NAV1: variants seen among roughly 807,000 people sequenced by gnomAD.
NAV1 encodes the protein pore membrane and/or filament interacting like protein 3.
NAV1 carries 18 observed loss-of-function variants against 175.2 expected under a neutral mutation model. The observed-to-expected ratio is 0.10, with a 90% confidence interval of 0.07 to 0.15. The LOEUF is 0.15. Among genes scored for constraint, NAV1 ranks in the 10% least tolerant of loss-of-function variants. The pLI, the probability that NAV1 is intolerant of heterozygous loss-of-function variation, is 1.00. For missense variants in NAV1, 1,731 were observed against 2,436.6 expected (o/e 0.71, Z 6.10); for synonymous variants, 897 against 978.7 (o/e 0.92, Z 1.56).
Position 201,648,450 on chromosome 1 carries a change from C to G in NAV1, c.-219C>G. The G allele has an allele frequency of 4.3e-6, 5 of 1,162,514 alleles. No homozygotes were observed. The South Asian group carries it at 1.7e-4, about 40-fold the overall frequency. 72.0% of individuals were successfully genotyped at this position (1,162,514 alleles called of 1,614,324 possible). ...CCGGCTTCCCTGCTCTTTCCTTTTT[C>G]CCGGCTTCCTTCCTCGCGTTTCTTT... On this transcript the variant is annotated 5_prime_UTR_variant, in exon 1 of 30. Coordinates refer to ENST00000367296, the Ensembl canonical transcript of NAV1.
chr1:201,650,629 T>G (rs989071219), intron 1 of NAV1, among the ~76,000 whole-genome samples: 5 of 152,094 alleles, frequency 3.3e-5, no homozygotes, highest in Non-Finnish European at 7.4e-5. Flanking sequence ...CGGGCGGCCC[T>G]GGAGAATGCG....
intron 1 of NAV1, among the ~76,000 whole-genome samples, chr1:201,701,420 A>T (rs1671419194): frequency 1.5e-5 from 1 of 66,320 alleles, no homozygotes; most frequent in Admixed American, 2.3e-4. Context: ...AATAAAAAAA[A>T]TAAAAAAAGA....
At chr1:201,605,129 CTTT>C (rs572596717) in intron 2 of NAV1, among the ~76,000 whole-genome samples, 1 of 139,836 alleles carries the variant, frequency 7.2e-6, no homozygotes, top group Non-Finnish European at 1.6e-5. Flanking sequence ...CTGGCTTCTG[CTTT>C]TTTTTTTTTT....
At chr1:201,654,354 C>G (rs989545443) in intron 1 of NAV1, among the ~76,000 whole-genome samples, 3 of 152,050 alleles carry the variant, frequency 2.0e-5, no homozygotes, top group African/African-American at 7.3e-5. Flanking sequence ...CCCACTTTCT[C>G]TGCCCAATTT....
In NAV1 at chr1:201,763,956, C is replaced by T. The variant is rs140926897; in HGVS notation, c.1227-16465C>T. Among the ~76,000 whole-genome samples, 309 of 152,296 alleles carry T rather than the reference C, an allele frequency of 2.0e-3. 4 individuals carry two copies. The highest frequency in any genetic ancestry group is 7.1e-3 in the African/African-American group (296 of 41,556). On this transcript the variant is annotated intron_variant, in intron 3 of 29. Transcript: ENST00000367296. Reference sequence around the variant, plus strand: ...TCATCACAGAAAGATGGAATTTCTCCGGGATTATTTCGCTGCCAAGTCCAA... The same window carrying T: ...TCATCACAGAAAGATGGAATTTCTCTGGGATTATTTCGCTGCCAAGTCCAA...
Position 201,782,912 on chromosome 1 carries a change from C to A in NAV1, c.2357+43C>A. The stretch of plus-strand genomic sequence containing the variant: ...CCGCCTCCTTGTCTGTTTGCTTTGT[C>A]ATTCTTTCGCATATCTCTGCCCTCC... On this transcript the variant is annotated intron_variant, in intron 6 of 29. Transcript: ENST00000367296. The surrounding 1 kb of genome is among the most constrained non-coding windows in gnomAD (Gnocchi z 5.4). 4 of 1,486,168 alleles carry A rather than the reference C, an allele frequency of 2.7e-6. No homozygotes were observed. The highest frequency in any genetic ancestry group is 3.6e-6 in the Non-Finnish European group (4 of 1,100,846). The allele number at this position is 1,486,168 out of a possible 1,614,324, so 92.1% of individuals were successfully genotyped here. A position where few individuals can be genotyped will look rare whatever the true frequency, so the allele number is the denominator to read the frequency against.
At chr1:201,578,353 G>A (rs1666752134) in intron 1 of NAV1, among the ~76,000 whole-genome samples, 1 of 152,136 alleles carries the variant, frequency 6.6e-6, no homozygotes, top group Admixed American at 6.5e-5. Context: ...TATAGCTTCT[G>A]TTCTTTGTTC....
chr1:201,771,518 A>C (rs933258283), intron 3 of NAV1, among the ~76,000 whole-genome samples: 9 of 151,788 alleles, frequency 5.9e-5, no homozygotes, highest in South Asian at 2.1e-4. Flanking sequence ...AAAAAAAAAA[A>C]AAAACTGGTG....
At chr1:201,780,964 C>G (rs16849329) in intron 4 of NAV1, 48 bp from the exon 9 acceptor site, 5 of 1,526,682 alleles carry the variant, frequency 3.3e-6, no homozygotes, top group Non-Finnish European at 3.5e-6. Flanking sequence ...TATCCAGTCT[C>G]CCATCTGCAT....
At chr1:201,768,473 AC>A (rs1675353117) in intron 3 of NAV1, among the ~76,000 whole-genome samples, 1 of 152,178 alleles carries the variant, frequency 6.6e-6, no homozygotes, top group Admixed American at 6.5e-5. Flanking sequence ...CCCTGTGTCT[AC>A]AAAAAATTAA....
At position 201,810,754 on chromosome 1, in the gene NAV1, G is replaced by A. The variant is rs141455746; in HGVS notation, c.4793G>A (p.Cys1598Tyr). The A allele has an allele frequency of 1.9e-6, 3 of 1,612,632 alleles. No homozygotes were observed. Among genetic ancestry groups the A allele is most frequent in the Non-Finnish European group, 2.5e-6 (3 of 1,178,848 alleles). ...ACCTTCAACATGCACCAGCAGTCTT[G>A]CAAGGTGGCTGCCCCCCGACACCCC... Residue 1598 changes from cysteine to tyrosine, a missense_variant, in exon 24 of 30, where the codon TGC (cysteine) becomes TAC (tyrosine). Cys to Tyr is a radical substitution (Grantham distance 194, BLOSUM62 -2). Coordinates refer to ENST00000367296, the Ensembl canonical transcript of NAV1. This position sits in a 1 kb window ranked among gnomAD's most constrained non-coding sequence, Gnocchi z 6.0.
intron 1 of NAV1, among the ~76,000 whole-genome samples, chr1:201,697,890 CAGG>C (rs1671255299): frequency 6.6e-6 from 1 of 152,220 alleles, no homozygotes; most frequent in African/African-American, 2.4e-5. Context: ...CTCTGCCCTT[CAGG>C]AGGAGAAAGA....
At chr1:201,649,401 C>G in exon 1 of NAV1, 1 of 1,578,142 alleles carries the variant, frequency 6.3e-7, no homozygotes, top group Non-Finnish European at 8.6e-7. Context: ...AGACCTGGAG[C>G]AGCTGCTCTT....
chr1:201,617,238 CTCTG>C (rs1258949125), intron 2 of NAV1, among the ~76,000 whole-genome samples: 6 of 150,442 alleles, frequency 4.0e-5, no homozygotes, highest in South Asian at 2.1e-4. Context: ...CTCTCTCTCT[CTCTG>C]TCTGTCACAC....
chr1:201,809,584 A>G (rs1350566581), intron 22 of NAV1, 47 bp downstream of exon 26: 2 of 1,556,796 alleles, frequency 1.3e-6, no homozygotes, highest in Admixed American at 1.7e-5. Context: ...CTCTCGTGGA[A>G]TATATATACT....
chr1:201,816,790 T>G, intron 28 of NAV1: 2 of 235,108 alleles, frequency 8.5e-6, no homozygotes, highest in Non-Finnish European at 1.7e-5. Context: ...GCCTCCCAAG[T>G]AGGTAGGATT....
chr1:201,566,543 G>A (rs1666360212), intron 1 of NAV1, among the ~76,000 whole-genome samples: 1 of 152,086 alleles, frequency 6.6e-6, no homozygotes, highest in African/African-American at 2.4e-5. Flanking sequence ...CGAGTTCTAG[G>A]GCTGTATCAG....
At chr1:201,552,508 C>T (rs555372878) in intron 1 of NAV1, among the ~76,000 whole-genome samples, 70 of 152,036 alleles carry the variant, frequency 4.6e-4, no homozygotes, top group African/African-American at 1.6e-3. Flanking sequence ...TGGGCTCTGA[C>T]GCATGTGGGG....
At chr1:201,570,024 T>C (rs904186676) in intron 1 of NAV1, among the ~76,000 whole-genome samples, 3 of 152,234 alleles carry the variant, frequency 2.0e-5, no homozygotes, top group Admixed American at 2.0e-4. Flanking sequence ...ATATTTTAAC[T>C]GTAAAATACC....
Sources: allele counts gnomAD v4.1 joint callset (sites outside exome capture counted in the v4.1 genomes callset), GRCh38; gene constraint gnomAD v4.1.1; non-coding constraint Gnocchi (gnomAD v3.1); transcripts MANE v1.5; gene names NCBI Gene and HGNC (gene_info 2026-07-23, HGNC 2026-07-21).